The following DSCAM variants were observed in gnomAD, a reference collection of about 807,000 sequenced individuals.
DSCAM encodes the protein cell adhesion molecule DSCAM.
A neutral mutation model predicts 217.7 loss-of-function variants in DSCAM; 47 were observed. The ratio of observed to expected loss-of-function variants is 0.22; its 90% confidence interval spans 0.17 to 0.28. The LOEUF (loss-of-function observed/expected upper bound fraction) is 0.28, where lower values mean the gene tolerates loss of function less well. Ranked by LOEUF, DSCAM falls within the 10% of genes least tolerant of loss-of-function variation. The pLI is 1.00. For synonymous variants in DSCAM, 1,056 were observed against 1,015.3 expected (o/e 1.04, Z -0.76); for missense variants, 2,080 against 2,618.3 (o/e 0.79, Z 4.49).
chr21:40,506,548 C>G (rs1296363279), intron 3 of DSCAM, among the ~76,000 whole-genome samples: 1 of 152,084 alleles, frequency 6.6e-6, no homozygotes, highest in Non-Finnish European at 1.5e-5. Context: ...AACCAGTGAC[C>G]CCAGATTCAG....
chr21:40,750,598 C>T (rs1277561743), intron 1 of DSCAM, among the ~76,000 whole-genome samples: 1 of 152,098 alleles, frequency 6.6e-6, no homozygotes, highest in Non-Finnish European at 1.5e-5. Flanking sequence ...ATGTCTGATC[C>T]AGACCTCTTA....
At chr21:40,335,279 G>A (rs1198648812) in intron 8 of DSCAM, among the ~76,000 whole-genome samples, 1 of 152,118 alleles carries the variant, frequency 6.6e-6, no homozygotes, top group Non-Finnish European at 1.5e-5. Flanking sequence ...TTGTTTGCAA[G>A]TACTTGCAAA....
At chr21:40,040,999 G>C (rs891058539) in intron 32 of DSCAM, among the ~76,000 whole-genome samples, 2 of 152,136 alleles carry the variant, frequency 1.3e-5, no homozygotes, top group Non-Finnish European at 2.9e-5. Flanking sequence ...GAGGTAGACA[G>C]AATGAAAATA....
intron 3 of DSCAM, among the ~76,000 whole-genome samples, chr21:40,512,050 C>T (rs538363865): frequency 4.6e-4 from 66 of 144,102 alleles, no homozygotes; most frequent in African/African-American, 1.6e-3. Context: ...GAAACACTTG[C>T]ATGCAAAAAG....
At chr21:40,172,318 C>T (rs1036785612) in intron 15 of DSCAM, among the ~76,000 whole-genome samples, 17 of 152,188 alleles carry the variant, frequency 1.1e-4, no homozygotes, top group Non-Finnish European at 1.8e-4. Context: ...CTAAGAAATC[C>T]AAAACTCTTC....
At chr21:40,634,586 T>C (rs142866155) in intron 3 of DSCAM, among the ~76,000 whole-genome samples, 149 of 152,366 alleles carry the variant, frequency 9.8e-4, no homozygotes, top group Non-Finnish European at 1.5e-3. Flanking sequence ...TAGAAATTCC[T>C]GTTCTCTGTA....
At chr21:40,542,223 A>C (rs186044866) in intron 3 of DSCAM, among the ~76,000 whole-genome samples, 1 of 152,362 alleles carries the variant, frequency 6.6e-6, no homozygotes, top group East Asian at 1.9e-4. Context: ...ATGAATGTTC[A>C]GTGCTATCTA....
intron 20 of DSCAM, among the ~76,000 whole-genome samples, chr21:40,118,843 G>A (rs1408746984): frequency 6.6e-6 from 1 of 152,142 alleles, no homozygotes; most frequent in Admixed American, 6.5e-5. Flanking sequence ...CACACAGAAG[G>A]GTGACATTGT....
chr21:40,625,220 G>T (rs1401917585), intron 3 of DSCAM, among the ~76,000 whole-genome samples: 2 of 152,070 alleles, frequency 1.3e-5, no homozygotes, highest in African/African-American at 4.8e-5. Flanking sequence ...ATTAATATAA[G>T]AGTAAGAAAC....
chr21:40,143,691 T>C (rs1004189005), intron 17 of DSCAM, among the ~76,000 whole-genome samples: 11 of 152,086 alleles, frequency 7.2e-5, no homozygotes, highest in African/African-American at 2.7e-4. Flanking sequence ...CTCGGGAGGC[T>C]GAGGCAGGAG....
Position 40,493,986 on chromosome 21 carries a change from T to A in DSCAM, c.509-124741A>T, listed in dbSNP as rs1392225499. 4.0e-5 allele frequency among the ~76,000 whole-genome samples: 6 copies of A among 151,700 alleles called. No individual in the cohort carries two copies. The East Asian group carries it at 1.2e-3, about 29-fold the overall frequency. Reference sequence around the variant, plus strand: ...ATTAGTAGCTTAAAATAGCCTGTTATAAATATAAGCCACCTATGTAATCCT... The same window carrying A: ...ATTAGTAGCTTAAAATAGCCTGTTAAAAATATAAGCCACCTATGTAATCCT... On this transcript the variant is annotated intron_variant, in intron 3 of 32. Coordinates refer to ENST00000400454, the MANE Select transcript of DSCAM (RefSeq NM_001389.5).
intron 32 of DSCAM, among the ~76,000 whole-genome samples, chr21:40,025,035 G>A (rs201766547): frequency 4.2e-5 from 5 of 118,844 alleles, no homozygotes; most frequent in African/African-American, 1.5e-4. Context: ...ATTATTTTGA[G>A]ATACGTCCCA....
At chr21:40,342,626 G>GTGTGTGTATATATATATATATA (rs1491362590) in intron 6 of DSCAM, among the ~76,000 whole-genome samples, 26 of 94,684 alleles carry the variant, frequency 2.7e-4, no homozygotes, top group South Asian at 7.2e-4. Context: ...GTGTGTGTGT[G>GTGTGTGTATATATATATATATA]TATATATATA....
In DSCAM at chr21:40,646,695, T is replaced by C. The variant is rs546701265; in HGVS notation, c.508+46115A>G. Among the ~76,000 whole-genome samples the C allele has an allele frequency of 7.9e-5, 12 of 152,262 alleles. No homozygotes were observed. In the South Asian group the frequency reaches 2.5e-3, roughly 32 times the overall value. ...GAAAATGGAACACAAAATTAACATATTAAGTAGAAAGCTGGTGTGCAGTTG... is the reference window on the plus strand; with the variant it reads ...GAAAATGGAACACAAAATTAACATACTAAGTAGAAAGCTGGTGTGCAGTTG... On this transcript the variant is annotated intron_variant, in intron 3 of 32. Transcript: ENST00000400454.
intron 8 of DSCAM, among the ~76,000 whole-genome samples, chr21:40,324,785 A>G (rs758236346): frequency 4.5e-4 from 68 of 152,224 alleles, no homozygotes; most frequent in Admixed American, 1.0e-3. Context: ...ATGAAAAGAA[A>G]AGCCATTTGA....
chr21:40,434,899 T>C (rs1366608782), intron 3 of DSCAM, among the ~76,000 whole-genome samples: 1 of 152,096 alleles, frequency 6.6e-6, no homozygotes. Context: ...CCTTGAGAGG[T>C]AGCCACAATT....
chr21:40,328,435 C>T (rs2074341045), intron 8 of DSCAM, among the ~76,000 whole-genome samples: 1 of 152,056 alleles, frequency 6.6e-6, no homozygotes, highest in Non-Finnish European at 1.5e-5. Flanking sequence ...GGAATTAGAT[C>T]ATTAACTTTA....
chr21:40,780,614 G>T lies in DSCAM; in HGVS notation c.43+66005C>A, dbSNP rs116400839. On this transcript the variant is annotated intron_variant, in intron 1 of 32. Coordinates refer to ENST00000400454, the MANE Select transcript of DSCAM (RefSeq NM_001389.5). ...GTTTGGAGATAGGGTCTTTAAAGGG[G>T]TATTTAAGGTAAAACGAAGTCATAT... 4.3e-3 allele frequency among the ~76,000 whole-genome samples: 657 copies of T among 151,832 alleles called. 4 individuals carry two copies. The highest frequency in any genetic ancestry group is 0.015 in the African/African-American group (605 of 41,394).
intron 20 of DSCAM, among the ~76,000 whole-genome samples, chr21:40,107,420 G>A (rs7280514): frequency 0.18 from 28,019 of 152,132 alleles, 3,209 homozygotes; most frequent in East Asian, 0.26. Flanking sequence ...TAAGTGTCAT[G>A]TAGCAATGAG....
Sources: gnomAD v4.1 joint callset for allele counts (sites outside exome capture counted in the v4.1 genomes callset) on GRCh38, gnomAD v4.1.1 for gene constraint, MANE v1.5 for transcripts, NCBI Gene and HGNC (gene_info 2026-07-23, HGNC 2026-07-21) for gene names.